The following PMEL variants were observed in gnomAD, a reference collection of about 807,000 sequenced individuals.
PMEL encodes the protein premelanosome protein, also known as melanocyte protein PMEL.
A neutral mutation model predicts 64.9 loss-of-function variants in PMEL; 53 were observed. That is an observed-to-expected ratio of 0.82 (90% CI 0.66 to 1.03). The LOEUF is 1.03. Ranked by LOEUF, PMEL falls within the 50% of genes least tolerant of loss-of-function variation. PMEL has a pLI of 0.00. For synonymous variants in PMEL, 299 were observed against 316.2 expected (o/e 0.95, Z 0.58); for missense variants, 716 against 814.9 (o/e 0.88, Z 1.48).
At chr12:55,958,838 G>A (rs1196141625) in intron 3 of PMEL, among the ~76,000 whole-genome samples, 1 of 151,984 alleles carries the variant, frequency 6.6e-6, no homozygotes, top group Non-Finnish European at 1.5e-5. Context: ...CTGGAGTGCA[G>A]TGGTGTGATC....
intron 3 of PMEL, among the ~76,000 whole-genome samples, chr12:55,959,940 G>A (rs761712635): frequency 9.2e-5 from 14 of 151,920 alleles, no homozygotes; most frequent in Non-Finnish European, 1.8e-4. Context: ...TTTTATCTTC[G>A]GAAATGGAAA....
rs1888965370 is a variant in PMEL at position 55,958,089 on chromosome 12, A to G, written c.470-5T>C. 2 of 1,613,634 alleles carry G rather than the reference A, an allele frequency of 1.2e-6. No individual in the cohort carries two copies. The highest frequency in any genetic ancestry group is 1.7e-6 in the Non-Finnish European group (2 of 1,179,782). On this transcript the variant is annotated splice_polypyrimidine_tract_variant and splice_region_variant and intron_variant, in intron 4 of 10. Coordinates refer to ENST00000548747, the MANE Select transcript of PMEL (RefSeq NM_001384361.1). ...CTAGAACTTGCCAGTATTGGCCTGA[A>G]GTTTTTGGAATGAAAAGCAAGGAAG...
chr12:55,955,650 T>C lies in PMEL; in HGVS notation c.1576A>G (p.Met526Val). The C allele has an allele frequency of 6.2e-7, 1 of 1,613,040 alleles. No homozygotes were observed. The highest frequency in any genetic ancestry group is 1.3e-5 in the African/African-American group (1 of 75,004). The change falls in exon 9 of 11, where the codon ATG becomes GTG. Residue 526 changes from methionine (M) to valine (V), a missense_variant. By Grantham distance (21) the Met-to-Val change is conservative. Coordinates refer to ENST00000548747, the MANE Select transcript of PMEL (RefSeq NM_001384361.1). ...CQGGLPKEAC[M>V]EISSPGCQPP... ...TGGCACCCTGGCGATGAGATCTCCA[T>C]GCAGGCTTCCTTGGGCAGCCTGGAA...
At chr12:55,960,464 C>T (rs193278756) in intron 3 of PMEL, among the ~76,000 whole-genome samples, 9 of 151,312 alleles carry the variant, frequency 5.9e-5, no homozygotes, top group Admixed American at 5.9e-4. Flanking sequence ...ACCTCCCAGG[C>T]TCATGATCCT....
At chr12:55,962,957 T>C (rs956289822) in intron 1 of PMEL, among the ~76,000 whole-genome samples, 1 of 151,816 alleles carries the variant, frequency 6.6e-6, no homozygotes, top group Non-Finnish European at 1.5e-5. Flanking sequence ...GGTCAGGAGT[T>C]CGAGACCAGC....
At chr12:55,959,280 G>C (rs1176471530) in intron 3 of PMEL, among the ~76,000 whole-genome samples, 2 of 151,788 alleles carry the variant, frequency 1.3e-5, no homozygotes, top group Non-Finnish European at 2.9e-5. Context: ...AGCTACTCCA[G>C]GGGCTGAGGA....
chr12:55,961,171 C>T (rs916383701), intron 3 of PMEL, 146 bp downstream of exon 3: 7 of 702,352 alleles, frequency 1.0e-5, no homozygotes, highest in Non-Finnish European at 1.6e-5. Context: ...CGCCACTGCA[C>T]TCCAGCCTGG....
intron 5 of PMEL, 60 bp downstream of exon 5, chr12:55,957,863 T>C (rs764158809): frequency 3.8e-6 from 6 of 1,596,906 alleles, no homozygotes; most frequent in Non-Finnish European, 5.1e-6. Context: ...TTCCAGTCCA[T>C]CCAAGCCTCC....
intron 6 of PMEL, 96 bp downstream of exon 6, chr12:55,956,853 G>GTAC: frequency 1.5e-6 from 2 of 1,355,954 alleles, no homozygotes; most frequent in Middle Eastern, 2.3e-4. Flanking sequence ...ATAGTGCTAA[G>GTAC]CAAAGGATTG....
chr12:55,963,882 T>G (rs1345053321), intron 1 of PMEL, among the ~76,000 whole-genome samples: 4 of 146,582 alleles, frequency 2.7e-5, no homozygotes, highest in Admixed American at 6.8e-5. Context: ...CCCCTCCCCT[T>G]CCCTCCCCTC....
At chr12:55,963,087 G>A (rs367969067) in intron 1 of PMEL, among the ~76,000 whole-genome samples, 30 of 151,532 alleles carry the variant, frequency 2.0e-4, no homozygotes, top group East Asian at 1.2e-3. Context: ...AACCCAGGAG[G>A]CGGAGGTGGC....
intron 10 of PMEL, 138 bp downstream of exon 10, chr12:55,955,136 T>C: frequency 2.7e-6 from 2 of 744,670 alleles, no homozygotes; most frequent in Non-Finnish European, 4.9e-6. Context: ...AACCCAAGTC[T>C]GTCTAACTTA....
At chr12:55,958,757 G>T in intron 3 of PMEL, 150 bp from the exon 4 acceptor site, 1 of 758,962 alleles carries the variant, frequency 1.3e-6, no homozygotes, top group Non-Finnish European at 2.1e-6. Context: ...CATTTGGGGT[G>T]GTAGTTGGGG....
rs1390933630 is a variant in PMEL, at chr12:55,958,062, C to T, written c.492G>A (p.Gly164=). ...KTWGQYWQVL[G]GPVSGLSIGT... is the part of the protein sequence containing the mutation. ...CAATGCTCAGCCCAGACACTGGGCC[C>T]CCTAGAACTTGCCAGTATTGGCCTG... Residue 164 remains glycine, a synonymous_variant, in exon 5 of 11, where the codon GGG becomes GGA. Coordinates refer to ENST00000548747, the MANE Select transcript of PMEL (RefSeq NM_001384361.1). 89 of 1,613,960 alleles carry T rather than the reference C, an allele frequency of 5.5e-5. No homozygotes were observed. The highest frequency in any genetic ancestry group is 6.7e-5 in the Non-Finnish European group (79 of 1,179,996).
At chr12:55,961,565 GC>G in intron 2 of PMEL, 56 bp downstream of exon 2, 2 of 1,592,018 alleles carry the variant, frequency 1.3e-6, no homozygotes, top group Non-Finnish European at 1.7e-6. Flanking sequence ...AGTTCAGCTT[GC>G]TTTTTTCCTC....
At position 55,961,639 on chromosome 12, in the gene PMEL, C is replaced by G. The variant is rs778119089; in HGVS notation, c.170G>C (p.Arg57Thr). Residue 57 changes from arginine to threonine, a missense_variant, in exon 2 of 11, where the codon AGA becomes ACA. Physicochemically the swap from Arg to Thr is moderately conservative, Grantham distance 71. Coordinates refer to ENST00000548747, the MANE Select transcript of PMEL (RefSeq NM_001384361.1). ...QLYPEWTEAQ[R>T]LDCWRGGQVS... The stretch of plus-strand genomic sequence containing the variant: ...GTTCCTACCTCTCCAGCAGTCAAGT[C>G]TCTGGGCTTCTGTCCACTCTGGATA... The G allele has an allele frequency of 1.2e-6, 2 of 1,613,870 alleles. No homozygotes were observed. Among genetic ancestry groups the G allele is most frequent in the South Asian group, 2.2e-5 (2 of 91,058 alleles).
In PMEL at chr12:55,957,521, TC is replaced by T. The variant is rs1379467329; in HGVS notation, c.781del (p.Asp261ThrfsTer9). The T allele has an allele frequency of 3.1e-6, 5 of 1,613,796 alleles. No homozygotes were observed. The highest frequency in any genetic ancestry group is 4.2e-6 in the Non-Finnish European group (5 of 1,179,962). The stretch of plus-strand genomic sequence containing the variant: ...CAGGGTTCCACTACTGTCTCCAAAG[TC>T]CCAGGTGTAGGAGAGGTCAGCTTCA... ...LAEADLSYTWDFGDSSGTLIS... is the reference protein window; with the variant it reads ...LAEADLSYTWXFGDSSGTLIS... On this transcript the variant is annotated frameshift_variant, in exon 6 of 11. Transcript: ENST00000548747. LOFTEE classifies it high-confidence loss of function.
upstream of PMEL, chr12:55,966,213 T>C: frequency 1.3e-6 from 1 of 776,530 alleles, no homozygotes; most frequent in Non-Finnish European, 2.0e-6. Context: ...TCAATGACAG[T>C]TTCTGGTTTC....
chr12:55,958,435 A>C, intron 4 of PMEL, 38 bp downstream of exon 4: 1 of 1,600,388 alleles, frequency 6.2e-7, no homozygotes. Context: ...AGAAGTAAAC[A>C]CAAGTGTGGA....
Sources: allele counts gnomAD v4.1 joint callset (sites outside exome capture counted in the v4.1 genomes callset), GRCh38; gene constraint gnomAD v4.1.1; transcripts MANE v1.5; gene names NCBI Gene and HGNC (gene_info 2026-07-23, HGNC 2026-07-21).